The following C12orf42 variants were observed in gnomAD, a reference collection of about 807,000 sequenced individuals.
C12orf42 encodes chromosome 12 open reading frame 42, also known as uncharacterized protein C12orf42.
A neutral mutation model predicts 21.6 loss-of-function variants in C12orf42; 25 were observed. The observed-to-expected ratio is 1.16, with a 90% confidence interval of 0.84 to 1.62. C12orf42 has a LOEUF of 1.62. C12orf42 is among the 40% of genes most tolerant of loss of function. The pLI is 0.00. For synonymous variants in C12orf42, 174 were observed against 175.0 expected, an observed-to-expected ratio of 0.99 and a Z score of 0.05; for missense variants, 483 against 459.3, an observed-to-expected ratio of 1.05 and a Z score of -0.47.
At chr12:103,364,063 G>A (rs901813919) in intron 4 of C12orf42, among the ~76,000 whole-genome samples, 2 of 152,050 alleles carry the variant, frequency 1.3e-5, no homozygotes, top group African/African-American at 4.8e-5. Flanking sequence ...TCAGTGCATG[G>A]AACTCTCTCC....
chr12:103,486,147 A>C (rs1954814615), intron 1 of C12orf42, among the ~76,000 whole-genome samples: 2 of 152,206 alleles, frequency 1.3e-5, no homozygotes. Context: ...GGTATGTTCC[A>C]TTAATACCTA....
At chr12:103,084,885 G>A in the C12orf42 span, among the ~76,000 whole-genome samples, 7 of 152,102 alleles carry the variant, frequency 4.6e-5, no homozygotes, top group Non-Finnish European at 1.0e-4. Context: ...CCCTGGGAAG[G>A]CCTGGAAACT....
chr12:103,230,559 AT>A, the C12orf42 span, among the ~76,000 whole-genome samples: 1 of 152,208 alleles, frequency 6.6e-6, no homozygotes, highest in Non-Finnish European at 1.5e-5. Context: ...CATAAGGACT[AT>A]TTTAACATGT....
rs180791755 is a variant in C12orf42 at position 103,302,507 on chromosome 12, C to T, written c.684G>A (p.Thr228=). ...TAIGLCRRSQ[T]PGALQSTGPS... ...GGCCGGTGCTCTGCAGAGCGCCGGG[C>T]GTCTGGCTCCTCCTGCAGAGGCCGA... The change falls in exon 6 of 6, where the codon ACG becomes ACA. Residue 228 remains threonine (T), a synonymous_variant. Transcript: ENST00000548883. The T allele has an allele frequency of 6.6e-5, 106 of 1,613,214 alleles. No individual in the cohort carries two copies. The highest frequency in any genetic ancestry group is 3.3e-4 in the Middle Eastern group (2 of 5,980).
chr12:103,243,410 G>A (rs2033850528), intron 10 of C12orf42, among the ~76,000 whole-genome samples: 1 of 151,962 alleles, frequency 6.6e-6, no homozygotes, highest in South Asian at 2.1e-4. Context: ...ACATTCCCAT[G>A]CTATATATGC....
intron 2 of C12orf42, among the ~76,000 whole-genome samples, chr12:103,414,290 G>T (rs1270885793): frequency 6.6e-6 from 1 of 151,966 alleles, no homozygotes; most frequent in African/African-American, 2.4e-5. Context: ...CTTCTTCTGA[G>T]AACTGTCTAT....
At chr12:103,123,333 G>A in the C12orf42 span, among the ~76,000 whole-genome samples, 1 of 152,144 alleles carries the variant, frequency 6.6e-6, no homozygotes, top group Admixed American at 6.5e-5. Flanking sequence ...GACTGACTGG[G>A]TGAGAAGCAG....
chr12:103,448,676 A>G (rs1226040428), intron 2 of C12orf42, among the ~76,000 whole-genome samples: 1 of 152,082 alleles, frequency 6.6e-6, no homozygotes, highest in African/African-American at 2.4e-5. Flanking sequence ...CAACAAGCAT[A>G]TAGAAAAATG....
At chr12:103,125,723 T>C in the C12orf42 span, among the ~76,000 whole-genome samples, 1 of 152,204 alleles carries the variant, frequency 6.6e-6, no homozygotes, top group South Asian at 2.1e-4. Flanking sequence ...TGACAATGTG[T>C]TCCCAAGTGA....
chr12:103,233,236 A>G (rs189388798), downstream of C12orf42, among the ~76,000 whole-genome samples: 32 of 152,250 alleles, frequency 2.1e-4, no homozygotes, highest in Non-Finnish European at 8.8e-5. Context: ...ATTTGTAGTA[A>G]GTCTTGAGGT....
chr12:103,179,148 T>A, the C12orf42 span, among the ~76,000 whole-genome samples: 1 of 152,228 alleles, frequency 6.6e-6, no homozygotes, highest in Non-Finnish European at 1.5e-5. Context: ...AGAAGGGTGT[T>A]TCAGTTTACT....
At position 103,327,661 on chromosome 12, in the gene C12orf42, G is replaced by T. The variant is rs569583969; in HGVS notation, c.260-21316C>A. On this transcript the variant is annotated intron_variant, in intron 4 of 5. Coordinates refer to ENST00000548883, the MANE Select transcript of C12orf42 (RefSeq NM_198521.5). ...AAAACATTTTGATTCTCTGGAGAAA[G>T]ATAATATTTACCATACATACAGGTA... 3.9e-5 allele frequency among the ~76,000 whole-genome samples: 6 copies of T among 152,314 alleles called. No individual in the cohort carries two copies. In the South Asian group the frequency reaches 1.2e-3, roughly 32 times the overall value.
intron 3 of C12orf42, among the ~76,000 whole-genome samples, chr12:103,399,525 AAG>A (rs2138650073): frequency 1.4e-5 from 2 of 139,672 alleles, no homozygotes; most frequent in South Asian, 4.5e-4. Context: ...AAGAAGAAGA[AAG>A]GCCTTCCATG....
At chr12:103,264,253 A>G (rs756635715), downstream of C12orf42, among the ~76,000 whole-genome samples, 2 of 141,572 alleles carry the variant, frequency 1.4e-5, no homozygotes, top group Non-Finnish European at 3.0e-5. Flanking sequence ...GTTTCAGGTC[A>G]TAGAGCAGTA....
the C12orf42 span, among the ~76,000 whole-genome samples, chr12:103,209,086 G>T: frequency 6.6e-6 from 1 of 152,028 alleles, no homozygotes; most frequent in African/African-American, 2.4e-5. Flanking sequence ...TCAAATTTGA[G>T]CATCATTAAT....
At chr12:103,457,176 A>G (rs1001654723) in intron 2 of C12orf42, among the ~76,000 whole-genome samples, 7 of 152,096 alleles carry the variant, frequency 4.6e-5, no homozygotes, top group African/African-American at 9.7e-5. Context: ...TTATTTATTT[A>G]TTTATTTTTC....
intron 2 of C12orf42, among the ~76,000 whole-genome samples, chr12:103,443,559 G>A (rs571109740): frequency 6.6e-6 from 1 of 152,124 alleles, no homozygotes; most frequent in South Asian, 2.1e-4. Context: ...TTTTTGCCAT[G>A]CCAAAAATAT....
the C12orf42 span, among the ~76,000 whole-genome samples, chr12:103,519,213 C>A: frequency 1.3e-5 from 2 of 152,160 alleles, no homozygotes; most frequent in African/African-American, 4.8e-5. Flanking sequence ...TCTTGCCAGC[C>A]ATGCAGAACT....
chr12:103,185,343 T>C, the C12orf42 span, among the ~76,000 whole-genome samples: 1 of 152,172 alleles, frequency 6.6e-6, no homozygotes, highest in Non-Finnish European at 1.5e-5. Context: ...TCACAGGTAC[T>C]TCAGGTAGGA....
Sources: allele counts gnomAD v4.1 joint callset (sites outside exome capture counted in the v4.1 genomes callset), GRCh38; gene constraint gnomAD v4.1.1; transcripts MANE v1.5; gene names NCBI Gene and HGNC (gene_info 2026-07-23, HGNC 2026-07-21).